The following SLC25A30 variants were observed in gnomAD, a reference collection of about 807,000 sequenced individuals.
SLC25A30 encodes kidney mitochondrial carrier protein 1.
Under a neutral mutation model 42.7 loss-of-function variants are expected in SLC25A30, and 29 were observed. The ratio of observed to expected loss-of-function variants is 0.68; its 90% confidence interval spans 0.51 to 0.93. The LOEUF is 0.93. Ranked by LOEUF, SLC25A30 falls within the 40% of genes least tolerant of loss-of-function variation. The pLI is 0.00. For missense variants in SLC25A30, 300 were observed against 359.7 expected, an observed-to-expected ratio of 0.83 and a Z score of 1.34; for synonymous variants, 124 against 131.0, an observed-to-expected ratio of 0.95 and a Z score of 0.37.
At chr13:45,417,650 T>C (rs538370334) in intron 1 of SLC25A30, among the ~76,000 whole-genome samples, 3 of 152,322 alleles carry the variant, frequency 2.0e-5, no homozygotes, top group South Asian at 4.1e-4. Flanking sequence ...TTCATGCCTT[T>C]CAACTTTCTC....
At chr13:45,398,399 G>C (rs1007207561) in intron 8 of SLC25A30, 10 of 151,672 alleles carry the variant, frequency 6.6e-5, no homozygotes, top group African/African-American at 2.4e-4. Flanking sequence ...CCACCACTAC[G>C]CATGTGCCTA....
the SLC25A30 span, among the ~76,000 whole-genome samples, chr13:45,423,581 AT>A: frequency 4.6e-5 from 3 of 65,028 alleles, no homozygotes; most frequent in Admixed American, 6.7e-4. Context: ...ATATATAAAA[AT>A]ATATATAAAT....
chr13:45,396,454 G>T, intron 9 of SLC25A30: 1 of 602,136 alleles, frequency 1.7e-6, no homozygotes, highest in Non-Finnish European at 2.1e-6. Context: ...CAGCATTCCT[G>T]CTTCATCACT....
chr13:45,397,230 TCAGA>T, intron 9 of SLC25A30, 24 bp downstream of exon 9: 1 of 1,431,230 alleles, frequency 7.0e-7, no homozygotes. Flanking sequence ...GTATCTTTTT[TCAGA>T]TCTATTGCAA....
chr13:45,425,379 A>G, the SLC25A30 span, among the ~76,000 whole-genome samples: 2 of 111,392 alleles, frequency 1.8e-5, no homozygotes, highest in Non-Finnish European at 3.3e-5. Context: ...AAAATATATA[A>G]GTATATATGA....
chr13:45,423,677 T>TAAAAA, the SLC25A30 span, among the ~76,000 whole-genome samples: 2 of 3,412 alleles, frequency 5.9e-4, no homozygotes, highest in Non-Finnish European at 1.3e-3. Flanking sequence ...AAAATACATA[T>TAAAAA]TTATATAAAT....
intron 2 of SLC25A30, among the ~76,000 whole-genome samples, chr13:45,410,560 C>A (rs1021343054): frequency 1.3e-5 from 2 of 151,122 alleles, no homozygotes; most frequent in African/African-American, 4.9e-5. Context: ...CACCTATAAT[C>A]CCAGCACTCT....
chr13:45,426,316 A>G, the SLC25A30 span, among the ~76,000 whole-genome samples: 1 of 150,332 alleles, frequency 6.7e-6, no homozygotes, highest in Non-Finnish European at 1.5e-5. Context: ...CAATCTCTTG[A>G]CCTCGTGATC....
At position 45,395,919 on chromosome 13, in the gene SLC25A30, T is replaced by C; in HGVS notation, c.*55A>G. The C allele has an allele frequency of 1.2e-6, 2 of 1,614,006 alleles. No homozygotes were observed. Among genetic ancestry groups the C allele is most frequent in the Non-Finnish European group, 1.7e-6 (2 of 1,179,970 alleles). On this transcript the variant is annotated 3_prime_UTR_variant, in exon 10 of 10. Coordinates refer to ENST00000519676, the MANE Select transcript of SLC25A30 (RefSeq NM_001010875.4). ...GAAGCAGAGTGAAACACAGGAAGCTTTGCTGTTTCAGAAGTTACCATTTTC... is the reference window on the plus strand; with the variant it reads ...GAAGCAGAGTGAAACACAGGAAGCTCTGCTGTTTCAGAAGTTACCATTTTC...
intron 4 of SLC25A30, 104 bp downstream of exon 4, chr13:45,405,779 G>A (rs1171074063): frequency 1.0e-6 from 1 of 995,010 alleles, no homozygotes. Flanking sequence ...TGTAGCAGTA[G>A]GAAAGTCACA....
At chr13:45,410,523 G>A (rs963804444) in intron 2 of SLC25A30, among the ~76,000 whole-genome samples, 5 of 151,730 alleles carry the variant, frequency 3.3e-5, no homozygotes, top group African/African-American at 9.7e-5. Context: ...AGAATTAGCC[G>A]GGCGTGGTCG....
chr13:45,423,132 C>T (rs372935180), upstream of SLC25A30, among the ~76,000 whole-genome samples: 1 of 152,008 alleles, frequency 6.6e-6, no homozygotes, highest in Non-Finnish European at 1.5e-5. Flanking sequence ...ACTGTGGGTC[C>T]CCAATAAATA....
At chr13:45,421,570 T>C (rs1485931101), upstream of SLC25A30, among the ~76,000 whole-genome samples, 2 of 152,068 alleles carry the variant, frequency 1.3e-5, no homozygotes, top group Non-Finnish European at 2.9e-5. Context: ...GGTAGCAATA[T>C]GGAAATGAAG....
intron 4 of SLC25A30, among the ~76,000 whole-genome samples, chr13:45,404,810 G>A (rs545613609): frequency 3.3e-5 from 5 of 152,134 alleles, no homozygotes; most frequent in African/African-American, 1.2e-4. Context: ...AGACCAAGAC[G>A]CCATCTCAAA....
the SLC25A30 span, among the ~76,000 whole-genome samples, chr13:45,423,641 A>T: frequency 1.1e-5 from 1 of 93,366 alleles, no homozygotes; most frequent in African/African-American, 4.9e-5. Context: ...AATATATATA[A>T]AATACATATT....
intron 8 of SLC25A30, chr13:45,397,825 G>A (rs1881512741): frequency 1.1e-6 from 1 of 921,440 alleles, no homozygotes; most frequent in South Asian, 5.0e-5. Flanking sequence ...AAGGCTCCAT[G>A]CCCAACAACC....
At chr13:45,399,400 G>T (rs1881703918) in intron 7 of SLC25A30, among the ~76,000 whole-genome samples, 1 of 152,070 alleles carries the variant, frequency 6.6e-6, no homozygotes, top group Non-Finnish European at 1.5e-5. Flanking sequence ...TTAGAGACGG[G>T]GTTTCGCCAT....
the SLC25A30 span, among the ~76,000 whole-genome samples, chr13:45,423,560 A>T: frequency 2.6e-3 from 278 of 106,588 alleles, 9 homozygotes; most frequent in African/African-American, 8.7e-3. Context: ...ACATAAAAAA[A>T]ATATATAAAT....
chr13:45,426,394 T>C, the SLC25A30 span, among the ~76,000 whole-genome samples: 1 of 152,202 alleles, frequency 6.6e-6, no homozygotes, highest in Non-Finnish European at 1.5e-5. Flanking sequence ...CCAGTTTTTA[T>C]ATTTTTTAAG....
Sources: gnomAD v4.1 joint callset for allele counts (sites outside exome capture counted in the v4.1 genomes callset) on GRCh38, gnomAD v4.1.1 for gene constraint, MANE v1.5 for transcripts, NCBI Gene and HGNC (gene_info 2026-07-23, HGNC 2026-07-21) for gene names.